The following DCAF8L2 variants were observed in gnomAD, a reference collection of about 807,000 sequenced individuals.
DCAF8L2 encodes the protein DDB1 and CUL4 associated factor 8 like 2, also known as DDB1- and CUL4-associated factor 8-like protein 2.
For missense variants in DCAF8L2, 430 were observed against 490.7 expected, an observed-to-expected ratio of 0.88 and a Z score of 1.17; for synonymous variants, 200 against 190.9, an observed-to-expected ratio of 1.05 and a Z score of -0.39.
chrX:27,659,892 C>A (rs367749566), intron 2 of DCAF8L2, among the ~76,000 whole-genome samples: 1 of 111,435 alleles, frequency 9.0e-6, no homozygotes, highest in East Asian at 2.8e-4. Context: ...TTTAAAAAAT[C>A]ATAACGTTGG....
the DCAF8L2 span, among the ~76,000 whole-genome samples, chrX:27,550,293 T>A: frequency 1.8e-5 from 2 of 112,087 alleles, no homozygotes; most frequent in Non-Finnish European, 3.8e-5. Context: ...TAGTGAATGT[T>A]ATGGGGTGTA....
the DCAF8L2 span, among the ~76,000 whole-genome samples, chrX:27,514,493 C>T: frequency 9.5e-6 from 1 of 105,497 alleles, no homozygotes; most frequent in Admixed American, 1.0e-4. Flanking sequence ...AACGGTGAAA[C>T]CCCGTCTCTA....
intron 2 of DCAF8L2, among the ~76,000 whole-genome samples, chrX:27,664,378 C>A (rs1311106736): frequency 8.9e-6 from 1 of 111,761 alleles, no homozygotes; most frequent in Non-Finnish European, 1.9e-5. Context: ...CTCTTCAATT[C>A]TGTGAAGGTT....
chrX:27,565,642 G>A, the DCAF8L2 span, among the ~76,000 whole-genome samples: 3 of 111,582 alleles, frequency 2.7e-5, no homozygotes, highest in African/African-American at 9.8e-5. Flanking sequence ...TCTTCTTTAA[G>A]TGTTTCACTG....
intron 2 of DCAF8L2, among the ~76,000 whole-genome samples, chrX:27,643,105 T>C (rs745915670): frequency 8.9e-6 from 1 of 112,180 alleles, no homozygotes; most frequent in Non-Finnish European, 1.9e-5. Context: ...AGTAGTGAGA[T>C]TGCTGGATCA....
At chrX:27,736,460 A>G (rs747932236) in intron 4 of DCAF8L2, among the ~76,000 whole-genome samples, 7 of 112,314 alleles carry the variant, frequency 6.2e-5, no homozygotes, top group Non-Finnish European at 1.1e-4. Context: ...ATCAAAAGCA[A>G]TACCTGCTTT....
Position 27,748,582 on chromosome X carries a change from G to A in DCAF8L2, c.1687G>A (p.Glu563Lys). Residue 563 changes from glutamate to lysine, a missense_variant, in exon 5 of 5, where the codon GAA becomes AAA. By Grantham distance (56) the Glu-to-Lys change is moderately conservative. Coordinates refer to ENST00000451261, the MANE Select transcript of DCAF8L2 (RefSeq NM_001353450.2). ...GAAGGTGATTAAGAAGAACAAGTGG[G>A]AACGAGATGAAGACAGCTTGCACCA... ...LKKVIKKNKW[E>K]RDEDSLHHGS... is the part of the protein sequence containing the mutation. 8.3e-7 allele frequency: 1 copy of A among 1,207,783 alleles called. No individual in the cohort carries two copies. Among genetic ancestry groups the A allele is most frequent in the Non-Finnish European group, 1.1e-6 (1 of 892,910 alleles).
the DCAF8L2 span, among the ~76,000 whole-genome samples, chrX:27,584,011 T>C: frequency 1.8e-5 from 2 of 112,071 alleles, no homozygotes; most frequent in African/African-American, 3.2e-5. Context: ...TCTCTGTGCT[T>C]GCACTATAGC....
intron 2 of DCAF8L2, among the ~76,000 whole-genome samples, chrX:27,637,469 A>G: frequency 8.9e-6 from 1 of 111,839 alleles, no homozygotes; most frequent in South Asian, 3.7e-4. Context: ...TTCCATTAGG[A>G]TGTTCTTTCC....
intron 1 of DCAF8L2, among the ~76,000 whole-genome samples, chrX:27,602,289 C>T (rs890889283): frequency 9.0e-6 from 1 of 111,627 alleles, no homozygotes; most frequent in African/African-American, 3.3e-5. Flanking sequence ...CCCGCCTCAG[C>T]CTCTCAAAGT....
intron 2 of DCAF8L2, among the ~76,000 whole-genome samples, chrX:27,649,340 G>A (rs1302202680): frequency 8.9e-6 from 1 of 112,210 alleles, no homozygotes; most frequent in South Asian, 3.7e-4. Context: ...TGAGATTGAT[G>A]AGTCAAATGG....
intron 2 of DCAF8L2, among the ~76,000 whole-genome samples, chrX:27,668,948 A>T (rs2147222550): frequency 9.0e-6 from 1 of 110,654 alleles, no homozygotes; most frequent in African/African-American, 3.3e-5. Flanking sequence ...AAAAAAAAAA[A>T]AAGAATTCTA....
At chrX:27,516,026 AAG>A in the DCAF8L2 span, among the ~76,000 whole-genome samples, 8 of 112,416 alleles carry the variant, frequency 7.1e-5, no homozygotes, top group African/African-American at 1.9e-4. Context: ...AAAAAAGTAC[AAG>A]AGTTATTTTC....
rs991822474 is a variant in DCAF8L2, at chrX:27,643,315, T to A, written c.-220+11315T>A. On this transcript the variant is annotated intron_variant, in intron 2 of 4. Transcript: ENST00000451261. ...ACCCATTGCAGCTTTGATTTGCATT[T>A]CCCTGATGATTAGTGAAGGTGAGCA... is the stretch of plus-strand genomic sequence containing the variant. 8.0e-5 allele frequency among the ~76,000 whole-genome samples: 9 copies of A among 112,288 alleles called. No homozygotes were observed. The East Asian group carries it at 2.5e-3, about 32-fold the overall frequency.
chrX:27,578,754 A>T, the DCAF8L2 span, among the ~76,000 whole-genome samples: 1 of 111,706 alleles, frequency 9.0e-6, no homozygotes, highest in Non-Finnish European at 1.9e-5. Flanking sequence ...GAATGAACAG[A>T]CACTTCTCAA....
At chrX:27,595,261 C>A (rs1350963104) in intron 1 of DCAF8L2, among the ~76,000 whole-genome samples, 2 of 111,733 alleles carry the variant, frequency 1.8e-5, no homozygotes, top group Non-Finnish European at 3.8e-5. Context: ...ATGCTAGATT[C>A]TTTCTGTCTA....
intron 2 of DCAF8L2, among the ~76,000 whole-genome samples, chrX:27,662,776 T>G (rs1700546092): frequency 8.9e-6 from 1 of 111,822 alleles, no homozygotes; most frequent in Non-Finnish European, 1.9e-5. Flanking sequence ...CATGTAAATT[T>G]ATAATCCAGA....
the DCAF8L2 span, chrX:27,518,854 T>G: frequency 2.4e-5 from 13 of 548,679 alleles, no homozygotes; most frequent in Non-Finnish European, 4.0e-5. Flanking sequence ...TGATGACAAG[T>G]TGACATCTAA....
the DCAF8L2 span, among the ~76,000 whole-genome samples, chrX:27,567,583 A>ATATATATG: frequency 3.1e-3 from 291 of 93,162 alleles, 5 homozygotes; most frequent in African/African-American, 0.01. Flanking sequence ...ATATATATAT[A>ATATATATG]TATGAAAACA....
Sources: gnomAD v4.1 joint callset for allele counts (sites outside exome capture counted in the v4.1 genomes callset) on GRCh38, gnomAD v4.1.1 for gene constraint, MANE v1.5 for transcripts, NCBI Gene and HGNC (gene_info 2026-07-23, HGNC 2026-07-21) for gene names.